The following E2F5 variants were observed in gnomAD, a reference collection of about 807,000 sequenced individuals.
The protein encoded by E2F5 is E2F transcription factor 5.
E2F5 carries 23 observed loss-of-function variants against 39.1 expected under a neutral mutation model. The observed-to-expected ratio is 0.59, with a 90% confidence interval of 0.42 to 0.83. E2F5 has a LOEUF of 0.83. Among genes scored for constraint, E2F5 ranks in the 40% least tolerant of loss-of-function variants. The pLI is 0.00. For synonymous variants in E2F5, 145 were observed against 157.8 expected, an observed-to-expected ratio of 0.92 and a Z score of 0.61; for missense variants, 365 against 406.7, an observed-to-expected ratio of 0.90 and a Z score of 0.88.
chr8:85,178,437 C>G (rs1436184647), intron 1 of E2F5, among the ~76,000 whole-genome samples: 3 of 152,134 alleles, frequency 2.0e-5, no homozygotes, highest in Admixed American at 6.5e-5. Context: ...CAAACAGGAG[C>G]AGGCATCAAA....
At chr8:85,200,571 G>T (rs923428678) in intron 1 of E2F5, among the ~76,000 whole-genome samples, 1 of 152,140 alleles carries the variant, frequency 6.6e-6, no homozygotes, top group African/African-American at 2.4e-5. Context: ...TGTTGCTATG[G>T]CTGTGAATGC....
intron 6 of E2F5, 123 bp from the exon 7 acceptor site, chr8:85,212,034 A>G: frequency 1.4e-6 from 1 of 691,350 alleles, no homozygotes. Flanking sequence ...ACCTGTCCAC[A>G]AAGTACTAGT....
chr8:85,190,535 G>T lies in E2F5; in HGVS notation c.235-11612G>T, dbSNP rs4150890. Reference sequence around the variant, plus strand: ...TTTTTTTTTTTTGAGATGGAGTCTCGCTCTGTCACCCAGGTTGAAGTGCAG... The same window carrying T: ...TTTTTTTTTTTTGAGATGGAGTCTCTCTCTGTCACCCAGGTTGAAGTGCAG... On this transcript the variant is annotated intron_variant, in intron 1 of 7. Coordinates refer to ENST00000416274, the MANE Select transcript of E2F5 (RefSeq NM_001951.4). Among the ~76,000 whole-genome samples, 757 of 111,260 alleles carry T rather than the reference G, an allele frequency of 6.8e-3. 2 individuals are homozygous for T. Among genetic ancestry groups the T allele is most frequent in the Non-Finnish European group, 0.011 (638 of 60,126 alleles). 73.0% of individuals were successfully genotyped at this position (111,260 alleles called of 152,430 possible).
intron 7 of E2F5, chr8:85,212,475 T>A (rs1457478819): frequency 2.9e-6 from 1 of 349,510 alleles, no homozygotes; most frequent in African/African-American, 2.1e-5. Flanking sequence ...TCCTGAAGGA[T>A]CTGGTCCAAG....
chr8:85,183,329 G>A (rs962592998), intron 1 of E2F5, among the ~76,000 whole-genome samples: 2 of 152,166 alleles, frequency 1.3e-5, no homozygotes, highest in African/African-American at 4.8e-5. Flanking sequence ...TTAGCCTAAG[G>A]AGAGATATGT....
At position 85,214,343 on chromosome 8, in the gene E2F5, A is replaced by C. The variant is rs1477472928; in HGVS notation, c.*481A>C. The C allele has an allele frequency of 1.7e-6, 1 of 594,660 alleles. No individual in the cohort carries two copies. Among genetic ancestry groups the C allele is most frequent in the East Asian group, 3.0e-5 (1 of 33,572 alleles). 36.8% of individuals were successfully genotyped at this position (594,660 alleles called of 1,614,324 possible). On this transcript the variant is annotated 3_prime_UTR_variant, in exon 8 of 8. Transcript: ENST00000416274. ...AGGATATATAACTGTTTCAGTGAACAGATTTTGTGAAGTGCCTTCTGTTTT... is the reference window on the plus strand; with the variant it reads ...AGGATATATAACTGTTTCAGTGAACCGATTTTGTGAAGTGCCTTCTGTTTT...
In E2F5 at chr8:85,179,126, G is replaced by T. The variant is rs183374533; in HGVS notation, c.234+1472G>T. ...TGAATTAAAATGGATTCTGTTTAAA[G>T]AATTTCACAGGAAGTCATGAAGTTA... On this transcript the variant is annotated intron_variant, in intron 1 of 7. Coordinates refer to ENST00000416274, the MANE Select transcript of E2F5 (RefSeq NM_001951.4). 2.2e-3 allele frequency among the ~76,000 whole-genome samples: 338 copies of T among 152,242 alleles called. 2 individuals carry two copies. Among genetic ancestry groups the T allele is most frequent in the Non-Finnish European group, 1.6e-3 (106 of 68,028 alleles).
At chr8:85,195,112 C>T (rs1301622780) in intron 1 of E2F5, among the ~76,000 whole-genome samples, 1 of 151,874 alleles carries the variant, frequency 6.6e-6, no homozygotes, top group Non-Finnish European at 1.5e-5. Flanking sequence ...AGGCCGGGCA[C>T]AGTGGCTTAC....
At chr8:85,182,966 G>A (rs1812251567) in intron 1 of E2F5, among the ~76,000 whole-genome samples, 1 of 152,134 alleles carries the variant, frequency 6.6e-6, no homozygotes, top group South Asian at 2.1e-4. Flanking sequence ...GAAGACACTA[G>A]TTTGGCCGGG....
At chr8:85,199,679 C>T (rs1006631373) in intron 1 of E2F5, among the ~76,000 whole-genome samples, 1 of 152,192 alleles carries the variant, frequency 6.6e-6, no homozygotes, top group African/African-American at 2.4e-5. Context: ...TACACACAAA[C>T]TTTAACCAAT....
intron 1 of E2F5, among the ~76,000 whole-genome samples, chr8:85,187,238 C>T (rs529959975): frequency 2.0e-5 from 3 of 152,136 alleles, no homozygotes; most frequent in African/African-American, 7.2e-5. Context: ...TATAATCTAA[C>T]CTGGAGAATG....
At chr8:85,179,952 G>T (rs527325543) in intron 1 of E2F5, among the ~76,000 whole-genome samples, 1 of 149,506 alleles carries the variant, frequency 6.7e-6, no homozygotes, top group African/African-American at 2.5e-5. Context: ...GAGCCACCGC[G>T]CCCGGCCAAA....
At chr8:85,188,518 A>G (rs2136044692) in intron 1 of E2F5, among the ~76,000 whole-genome samples, 1 of 152,284 alleles carries the variant, frequency 6.6e-6, no homozygotes, top group Non-Finnish European at 1.5e-5. Context: ...GAGGCAGGCC[A>G]GAAGCTTTTG....
intron 1 of E2F5, among the ~76,000 whole-genome samples, chr8:85,193,793 T>C (rs1812519449): frequency 6.6e-6 from 1 of 152,246 alleles, no homozygotes; most frequent in East Asian, 1.9e-4. Flanking sequence ...ATTCATATTA[T>C]TGCATGTACC....
intron 7 of E2F5, 41 bp from the exon 8 acceptor site, chr8:85,213,712 T>C (rs368677311): frequency 5.1e-5 from 54 of 1,068,570 alleles, no homozygotes; most frequent in African/African-American, 4.5e-4. Context: ...TAACCGTATG[T>C]AGAAACCATC....
chr8:85,188,959 A>C (rs1812404900), intron 1 of E2F5, among the ~76,000 whole-genome samples: 1 of 152,128 alleles, frequency 6.6e-6, no homozygotes, highest in Admixed American at 6.5e-5. Flanking sequence ...TATATGGCTT[A>C]TTTAGCTCTT....
chr8:85,178,887 G>A (rs1170457044), intron 1 of E2F5, among the ~76,000 whole-genome samples: 3 of 152,226 alleles, frequency 2.0e-5, no homozygotes, highest in African/African-American at 7.2e-5. Context: ...TTGTTGAACT[G>A]AATTACCTAA....
At chr8:85,211,644 T>C (rs34081690) in intron 6 of E2F5, among the ~76,000 whole-genome samples, 2 of 93,748 alleles carry the variant, frequency 2.1e-5, no homozygotes, top group African/African-American at 1.6e-4. Flanking sequence ...TTTGTTGTTG[T>C]TTTTTTTTTT....
chr8:85,178,411 C>G (rs1812131475), intron 1 of E2F5, among the ~76,000 whole-genome samples: 1 of 152,092 alleles, frequency 6.6e-6, no homozygotes, highest in African/African-American at 2.4e-5. Flanking sequence ...TCGTCCTTTA[C>G]AGCGTTCAGA....
Sources: gnomAD v4.1 joint callset for allele counts (sites outside exome capture counted in the v4.1 genomes callset) on GRCh38, gnomAD v4.1.1 for gene constraint, MANE v1.5 for transcripts, NCBI Gene and HGNC (gene_info 2026-07-23, HGNC 2026-07-21) for gene names.